ZCCHC24: variants seen among roughly 807,000 people sequenced by gnomAD.
ZCCHC24 encodes zinc finger CCHC domain-containing protein 24.
In ZCCHC24, 10 loss-of-function variants were observed where a neutral mutation model predicts 26.2. The observed-to-expected ratio is 0.38, with a 90% confidence interval of 0.24 to 0.65. ZCCHC24 has a LOEUF of 0.65. Ranked by LOEUF, ZCCHC24 falls within the 30% of genes least tolerant of loss-of-function variation. The pLI, the probability that ZCCHC24 is intolerant of heterozygous loss-of-function variation, is 0.54. For missense variants in ZCCHC24, 243 were observed against 329.1 expected (o/e 0.74, Z 2.03); for synonymous variants, 144 against 147.1 (o/e 0.98, Z 0.15).
chr10:79,424,867 C>T (rs541218812), intron 2 of ZCCHC24, among the ~76,000 whole-genome samples: 1 of 152,310 alleles, frequency 6.6e-6, no homozygotes, highest in South Asian at 2.1e-4. Context: ...ATCCAAGCTC[C>T]TCCTCTCTGA....
chr10:79,390,527 T>A (rs12769165), intron 3 of ZCCHC24, among the ~76,000 whole-genome samples: 1 of 152,090 alleles, frequency 6.6e-6, no homozygotes, highest in Non-Finnish European at 1.5e-5. Context: ...TCATCTGAGC[T>A]GTGCCCCCTC....
At chr10:79,413,918 C>A (rs760967159) in intron 2 of ZCCHC24, among the ~76,000 whole-genome samples, 10 of 152,220 alleles carry the variant, frequency 6.6e-5, no homozygotes, top group Non-Finnish European at 1.5e-5. Context: ...GGGGATGTAG[C>A]TGTATGTCCA....
At chr10:79,413,521 G>A (rs1856819810) in intron 2 of ZCCHC24, among the ~76,000 whole-genome samples, 1 of 152,216 alleles carries the variant, frequency 6.6e-6, no homozygotes, top group African/African-American at 2.4e-5. Context: ...GGCTTTAAAT[G>A]TGTAATCCTG....
At chr10:79,393,934 C>A (rs1389496309) in intron 3 of ZCCHC24, among the ~76,000 whole-genome samples, 1 of 152,200 alleles carries the variant, frequency 6.6e-6, no homozygotes, top group Non-Finnish European at 1.5e-5. Context: ...CATGCCCGGG[C>A]CTGGTGCACA....
intron 1 of ZCCHC24, 140 bp downstream of exon 1, chr10:79,445,055 C>T (rs867604388): frequency 9.6e-6 from 9 of 936,642 alleles, no homozygotes; most frequent in Non-Finnish European, 1.3e-5. Context: ...CAGAGTTGAA[C>T]GAAGCCAAGC....
chr10:79,424,772 C>T (rs1262072637), intron 2 of ZCCHC24, among the ~76,000 whole-genome samples: 2 of 152,216 alleles, frequency 1.3e-5, no homozygotes, highest in Non-Finnish European at 2.9e-5. Context: ...CCCCCAGGAG[C>T]GCCTGCTGTG....
intron 2 of ZCCHC24, among the ~76,000 whole-genome samples, chr10:79,421,417 C>T (rs1489799225): frequency 6.6e-6 from 1 of 151,114 alleles, no homozygotes; most frequent in East Asian, 1.9e-4. Flanking sequence ...GTCTGTCCTC[C>T]CTCTTCTCCC....
At chr10:79,390,851 C>T (rs149200207) in intron 3 of ZCCHC24, among the ~76,000 whole-genome samples, 122 of 152,248 alleles carry the variant, frequency 8.0e-4, no homozygotes, top group African/African-American at 2.7e-3. Context: ...TCTCCAGAGA[C>T]GGAGGCCACA....
intron 2 of ZCCHC24, among the ~76,000 whole-genome samples, chr10:79,414,170 T>G (rs1856831870): frequency 6.6e-6 from 1 of 152,238 alleles, no homozygotes; most frequent in Non-Finnish European, 1.5e-5. Flanking sequence ...GCCCAAGCCT[T>G]GGCGGCCAAC....
intron 2 of ZCCHC24, among the ~76,000 whole-genome samples, chr10:79,430,441 A>G (rs1220108683): frequency 6.6e-6 from 1 of 151,844 alleles, no homozygotes; most frequent in Non-Finnish European, 1.5e-5. Flanking sequence ...AAATCCTGAG[A>G]CTGGGGATCT....
At chr10:79,414,846 C>T (rs548715205) in intron 2 of ZCCHC24, among the ~76,000 whole-genome samples, 2 of 152,280 alleles carry the variant, frequency 1.3e-5, no homozygotes, top group Admixed American at 6.5e-5. Context: ...AATGTGAAGC[C>T]CGAGATGGAA....
chr10:79,389,749 G>A (rs1856451231), intron 3 of ZCCHC24, among the ~76,000 whole-genome samples: 1 of 151,934 alleles, frequency 6.6e-6, no homozygotes, highest in South Asian at 2.1e-4. Flanking sequence ...CCAAGTAGCT[G>A]GGATTACAGG....
Position 79,384,206 on chromosome 10 carries a change from C to T in ZCCHC24, c.*2139G>A, listed in dbSNP as rs1049071605. The T allele has an allele frequency of 3.3e-5, 5 of 152,510 alleles. No homozygotes were observed. The highest frequency in any genetic ancestry group is 1.2e-4 in the African/African-American group (5 of 41,586). 9.4% of individuals were successfully genotyped at this position (152,510 alleles called of 1,614,324 possible). A position where few individuals can be genotyped will look rare whatever the true frequency, so the allele number is the denominator to read the frequency against. On this transcript the variant is annotated 3_prime_UTR_variant, in exon 4 of 4. Coordinates refer to ENST00000372336, the MANE Select transcript of ZCCHC24 (RefSeq NM_153367.4). The stretch of plus-strand genomic sequence containing the variant: ...GCAAGGTCACTTTGGGGTGATATCC[C>T]AACTCCCCTTAGCCCGTGCAGGGAA...
chr10:79,401,895 C>T (rs923148793), intron 2 of ZCCHC24, among the ~76,000 whole-genome samples: 7 of 152,264 alleles, frequency 4.6e-5, no homozygotes, highest in African/African-American at 1.4e-4. Context: ...GCCCAGTCTG[C>T]GTGCTTTCCT....
At chr10:79,428,917 A>G (rs1434315036) in intron 2 of ZCCHC24, among the ~76,000 whole-genome samples, 1 of 151,042 alleles carries the variant, frequency 6.6e-6, no homozygotes, top group East Asian at 1.9e-4. Context: ...AAACTGTAGT[A>G]ACTGAGTCAA....
chr10:79,389,560 G>GTGTGTC (rs1554839984), intron 3 of ZCCHC24, among the ~76,000 whole-genome samples: 10 of 151,790 alleles, frequency 6.6e-5, no homozygotes, highest in African/African-American at 2.2e-4. Flanking sequence ...GTGTGTGTGT[G>GTGTGTC]TGTGTGTCTG....
In ZCCHC24 at chr10:79,410,834, A is replaced by C. The variant is rs535490947; in HGVS notation, c.448-16394T>G. The stretch of plus-strand genomic sequence containing the variant: ...GGGTGGCAGAGGGGAGAAGAGTGAG[A>C]GACCCCTGAGATGGCAGGAGGTTGA... On this transcript the variant is annotated intron_variant, in intron 2 of 3. Transcript: ENST00000372336. 6.6e-4 allele frequency among the ~76,000 whole-genome samples: 100 copies of C among 151,930 alleles called. 2 individuals carry two copies. In the Middle Eastern group the frequency reaches 0.02, roughly 31 times the overall value.
intron 2 of ZCCHC24, among the ~76,000 whole-genome samples, chr10:79,401,966 C>T (rs1172233781): frequency 6.6e-6 from 1 of 152,220 alleles, no homozygotes; most frequent in Non-Finnish European, 1.5e-5. Flanking sequence ...GCAAGAGCCC[C>T]GGTCTCAGGA....
intron 2 of ZCCHC24, among the ~76,000 whole-genome samples, chr10:79,408,558 C>G (rs1276954522): frequency 1.3e-5 from 2 of 152,186 alleles, no homozygotes; most frequent in Non-Finnish European, 2.9e-5. Context: ...GTTAACAAGA[C>G]AGATGCAACC....
Sources: allele counts gnomAD v4.1 joint callset (sites outside exome capture counted in the v4.1 genomes callset), GRCh38; gene constraint gnomAD v4.1.1; transcripts MANE v1.5; gene names NCBI Gene and HGNC (gene_info 2026-07-23, HGNC 2026-07-21).